Variants in ABCA12 observed in about 807,000 individuals in gnomAD.
ABCA12 encodes the protein glucosylceramide transporter ABCA12.
ABCA12 carries 156 observed loss-of-function variants against 293.5 expected under a neutral mutation model. The observed-to-expected ratio is 0.53, with a 90% CI of 0.47 to 0.61. The LOEUF is 0.61. Among genes scored for constraint, ABCA12 ranks in the 20% least tolerant of loss-of-function variants. The probability of loss-of-function intolerance (pLI) is 0.00; values close to 1 mark genes in which losing one functional copy is unlikely to be tolerated. For missense variants in ABCA12, 2,797 were observed against 3,090.2 expected (o/e 0.91, Z 2.25); for synonymous variants, 1,063 against 1,108.0 (o/e 0.96, Z 0.81).
intron 1 of ABCA12, among the ~76,000 whole-genome samples, chr2:215,114,218 C>G (rs1157768229): frequency 6.6e-6 from 1 of 152,174 alleles, no homozygotes; most frequent in African/African-American, 2.4e-5. Context: ...CATAATCTGC[C>G]CACCTTGGCC....
At chr2:215,082,291 C>G (rs1008165686) in intron 2 of ABCA12, among the ~76,000 whole-genome samples, 7 of 151,888 alleles carry the variant, frequency 4.6e-5, no homozygotes, top group African/African-American at 1.7e-4. Flanking sequence ...GATCCACCTG[C>G]CTCGGCCTCC....
chr2:215,024,626 T>A (rs1001268376), intron 11 of ABCA12, among the ~76,000 whole-genome samples: 2 of 152,146 alleles, frequency 1.3e-5, no homozygotes, highest in African/African-American at 4.8e-5. Flanking sequence ...GGCTAAAATG[T>A]AGGTAATGGT....
chr2:215,138,325 G>T lies in ABCA12; in HGVS notation c.-117C>A. 1 of 1,067,250 alleles carries T rather than the reference G, an allele frequency of 9.4e-7. No individual in the cohort carries two copies. Among genetic ancestry groups the T allele is most frequent in the Non-Finnish European group, 1.5e-6 (1 of 686,020 alleles). 66.1% of individuals were successfully genotyped at this position (1,067,250 alleles called of 1,614,324 possible). On this transcript the variant is annotated 5_prime_UTR_variant, in exon 1 of 53. Transcript: ENST00000272895. Reference sequence around the variant, plus strand: ...GTATCAGTACCCCTTTCACGGCATAGCTTCCTTGAGGGCTGGGGTAAGAAA... The same window carrying T: ...GTATCAGTACCCCTTTCACGGCATATCTTCCTTGAGGGCTGGGGTAAGAAA...
At chr2:214,956,898 A>T in intron 41 of ABCA12, 120 bp from the exon 42 acceptor site, 1 of 695,274 alleles carries the variant, frequency 1.4e-6, no homozygotes, top group Non-Finnish European at 2.6e-6. Flanking sequence ...TGAAGAAATG[A>T]ATTCTTATTT....
intron 2 of ABCA12, among the ~76,000 whole-genome samples, chr2:215,068,483 A>G (rs528075907): frequency 6.6e-6 from 1 of 152,260 alleles, no homozygotes; most frequent in South Asian, 2.1e-4. Context: ...GAATTGGCCC[A>G]CAGGCTGTAG....
At chr2:214,987,928 G>T (rs1053599481) in intron 26 of ABCA12, 135 bp from the exon 27 acceptor site, 7 of 1,175,986 alleles carry the variant, frequency 6.0e-6, no homozygotes, top group Non-Finnish European at 8.4e-6. Flanking sequence ...CTAAAAGGTG[G>T]TCTCAGTTTC....
chr2:215,112,498 T>TG (rs1702596385), intron 1 of ABCA12, among the ~76,000 whole-genome samples: 5 of 45,362 alleles, frequency 1.1e-4, no homozygotes, highest in Admixed American at 2.5e-4. Flanking sequence ...TTTTTTTTTG[T>TG]TTTTTTTTGT....
At position 215,001,587 on chromosome 2, in the gene ABCA12, C is replaced by CT. The variant is rs1700146530; in HGVS notation, c.2833dup (p.Arg945LysfsTer15). ...AAAGAGTTCGTTGCTTTTGTAGAGC[C>CT]TTTTAGCCTCTCTCTCCATTTCATC... is the stretch of plus-strand genomic sequence containing the variant. On this transcript the variant is annotated frameshift_variant, in exon 21 of 53. Transcript: ENST00000272895. LOFTEE classifies it high-confidence loss of function. 1 of 1,613,696 alleles carries CT rather than the reference C, an allele frequency of 6.2e-7. No individual in the cohort carries two copies. The highest frequency in any genetic ancestry group is 8.5e-7 in the Non-Finnish European group (1 of 1,179,764).
At chr2:215,065,624 C>G (rs758677243) in intron 2 of ABCA12, among the ~76,000 whole-genome samples, 1 of 151,926 alleles carries the variant, frequency 6.6e-6, no homozygotes, top group Non-Finnish European at 1.5e-5. Flanking sequence ...AGCTGCAAGT[C>G]AAGGAATATG....
chr2:214,961,973 T>C (rs1699126263), intron 39 of ABCA12: 1 of 152,170 alleles, frequency 6.6e-6, no homozygotes, highest in South Asian at 2.1e-4. Flanking sequence ...ATGAAAGAAA[T>C]GTAGATGTTG....
chr2:215,012,215 G>A (rs1700394049), intron 15 of ABCA12, 80 bp from the exon 16 acceptor site: 1 of 1,323,902 alleles, frequency 7.6e-7, no homozygotes, highest in Non-Finnish European at 1.1e-6. Context: ...TTGTAGAAAG[G>A]TACAGCCACT....
At chr2:214,945,514 C>A (rs1434145976) in intron 48 of ABCA12, among the ~76,000 whole-genome samples, 1 of 152,126 alleles carries the variant, frequency 6.6e-6, no homozygotes, top group Non-Finnish European at 1.5e-5. Flanking sequence ...ACAGAAAGAA[C>A]ATAATTTGAT....
intron 1 of ABCA12, among the ~76,000 whole-genome samples, chr2:215,131,725 C>A (rs1410799192): frequency 1.4e-5 from 1 of 69,072 alleles, no homozygotes; most frequent in African/African-American, 4.8e-5. Context: ...TTTTTTTTGG[C>A]CTGAATCTCC....
chr2:215,030,694 C>T (rs1700858082), intron 9 of ABCA12, among the ~76,000 whole-genome samples: 1 of 151,806 alleles, frequency 6.6e-6, no homozygotes, highest in African/African-American at 2.4e-5. Flanking sequence ...GGGAGAAGCA[C>T]CTGGGTCAGC....
At chr2:214,933,662 AT>A (rs1698132874) in intron 52 of ABCA12, among the ~76,000 whole-genome samples, 1 of 152,180 alleles carries the variant, frequency 6.6e-6, no homozygotes, top group Admixed American at 6.5e-5. Context: ...AATTGCCTGA[AT>A]TTAACAGATC....
chr2:215,104,881 G>C (rs1328777774), intron 2 of ABCA12, among the ~76,000 whole-genome samples: 2 of 152,128 alleles, frequency 1.3e-5, no homozygotes, highest in African/African-American at 2.4e-5. Context: ...TCCCCCATAT[G>C]GGCATTATAG....
At chr2:215,022,882 C>T (rs1700660399) in intron 11 of ABCA12, 1 of 151,990 alleles carries the variant, frequency 6.6e-6, no homozygotes, top group Admixed American at 6.6e-5. Context: ...TGTATTTCTG[C>T]CCAATACAGG....
At chr2:215,081,213 C>T (rs1701929396) in intron 2 of ABCA12, among the ~76,000 whole-genome samples, 1 of 152,144 alleles carries the variant, frequency 6.6e-6, no homozygotes, top group Non-Finnish European at 1.5e-5. Flanking sequence ...TGCAGTGGCT[C>T]ACGCCTGTAA....
At chr2:214,984,051 G>A (rs765669217) in intron 28 of ABCA12, among the ~76,000 whole-genome samples, 186 bp from the exon 29 acceptor site, 1 of 143,734 alleles carries the variant, frequency 7.0e-6, no homozygotes, top group Non-Finnish European at 1.5e-5. Context: ...ATAATTCAGA[G>A]TATTACATAA....
Sources: allele counts gnomAD v4.1 joint callset (sites outside exome capture counted in the v4.1 genomes callset), GRCh38; gene constraint gnomAD v4.1.1; transcripts MANE v1.5; gene names NCBI Gene and HGNC (gene_info 2026-07-23, HGNC 2026-07-21).